Variants in LDLRAD3 observed in about 807,000 individuals in gnomAD.
LDLRAD3 encodes low-density lipoprotein receptor class A domain-containing protein 3.
A neutral mutation model predicts 29.4 loss-of-function variants in LDLRAD3; 20 were observed. That is an observed-to-expected ratio of 0.68 (90% CI 0.48 to 0.99). LDLRAD3 has a LOEUF of 0.99. Ranked by LOEUF, LDLRAD3 falls within the 50% of genes least tolerant of loss-of-function variation. LDLRAD3 has a pLI of 0.00. For synonymous variants in LDLRAD3, 157 were observed against 192.7 expected (o/e 0.81, Z 1.53); for missense variants, 420 against 454.3 (o/e 0.92, Z 0.69).
intron 4 of LDLRAD3, among the ~76,000 whole-genome samples, chr11:36,121,261 G>A (rs61878988): frequency 0.21 from 32,240 of 152,066 alleles, 3,913 homozygotes; most frequent in East Asian, 0.33. Flanking sequence ...CATAGAAAGG[G>A]TTTGCCTAAG....
chr11:36,149,581 C>A (rs1364193197), intron 4 of LDLRAD3, among the ~76,000 whole-genome samples: 1 of 152,288 alleles, frequency 6.6e-6, no homozygotes, highest in African/African-American at 2.4e-5. Flanking sequence ...TGAATCTGTT[C>A]GCTGCTCCTA....
At chr11:36,124,163 C>T (rs1483317541) in intron 4 of LDLRAD3, among the ~76,000 whole-genome samples, 2 of 152,154 alleles carry the variant, frequency 1.3e-5, no homozygotes, top group Admixed American at 6.5e-5. Context: ...TGCCTGTCAC[C>T]GTAATAGCTA....
chr11:36,007,012 G>A (rs262408), intron 1 of LDLRAD3, among the ~76,000 whole-genome samples: 72,345 of 152,040 alleles, frequency 0.48, 19,331 homozygotes, highest in Non-Finnish European at 0.61. Context: ...TCTGTCCCCA[G>A]CCCCACACAG....
chr11:36,228,786 C>A (rs2133395447), intron 5 of LDLRAD3, among the ~76,000 whole-genome samples: 1 of 152,290 alleles, frequency 6.6e-6, no homozygotes, highest in Admixed American at 6.5e-5. Flanking sequence ...TCCATGTTCC[C>A]ATCAGAGGCC....
At chr11:36,040,242 G>A (rs1312058832) in intron 2 of LDLRAD3, among the ~76,000 whole-genome samples, 1 of 152,092 alleles carries the variant, frequency 6.6e-6, no homozygotes, top group Non-Finnish European at 1.5e-5. Flanking sequence ...GGGATATGAG[G>A]CAGTGAGCAG....
chr11:36,204,975 TGCCCCC>T (rs1455173638), intron 4 of LDLRAD3, among the ~76,000 whole-genome samples: 2 of 152,192 alleles, frequency 1.3e-5, no homozygotes, highest in East Asian at 1.9e-4. Flanking sequence ...CGCCTATTCT[TGCCCCC>T]GCCCTAATGC....
intron 2 of LDLRAD3, among the ~76,000 whole-genome samples, chr11:36,041,272 G>A (rs1339504932): frequency 6.6e-6 from 1 of 152,182 alleles, no homozygotes; most frequent in African/African-American, 2.4e-5. Context: ...TTTGATTATT[G>A]CGGAAGCCTT....
chr11:35,958,337 T>A (rs1851231477), intron 1 of LDLRAD3, among the ~76,000 whole-genome samples: 1 of 152,216 alleles, frequency 6.6e-6, no homozygotes, highest in African/African-American at 2.4e-5. Flanking sequence ...TGTAGAATAA[T>A]TCTTCCACGG....
chr11:36,012,493 C>T (rs1411945226), intron 1 of LDLRAD3, among the ~76,000 whole-genome samples: 1 of 151,782 alleles, frequency 6.6e-6, no homozygotes, highest in Non-Finnish European at 1.5e-5. Context: ...CAGCATCACT[C>T]TTCTTGTGCT....
At chr11:36,072,479 G>C (rs575954467) in intron 2 of LDLRAD3, among the ~76,000 whole-genome samples, 1 of 152,310 alleles carries the variant, frequency 6.6e-6, no homozygotes, top group Non-Finnish European at 1.5e-5. Context: ...CTGGGGAAGA[G>C]CCTTCTATAC....
chr11:36,002,410 C>T (rs1851836231), intron 1 of LDLRAD3, among the ~76,000 whole-genome samples: 1 of 152,204 alleles, frequency 6.6e-6, no homozygotes, highest in African/African-American at 2.4e-5. Context: ...CTTCCTGTGT[C>T]GTCCTCATCA....
Position 36,036,277 on chromosome 11 carries a change from G to T in LDLRAD3, c.193+28G>T, listed in dbSNP as rs780810364. ...GAGTGGCCTGGCCCTTTGCTGGGGT[G>T]GGGTGGCAGCCATCCTGGGGCAGAG... is the stretch of plus-strand genomic sequence containing the variant. On this transcript the variant is annotated intron_variant, in intron 2 of 5. Transcript: ENST00000315571. The T allele has an allele frequency of 3.7e-6, 6 of 1,613,484 alleles. No homozygotes were observed. The South Asian group carries it at 6.6e-5, about 18-fold the overall frequency.
intron 2 of LDLRAD3, among the ~76,000 whole-genome samples, chr11:36,054,078 AAC>A (rs1394710705): frequency 2.0e-5 from 3 of 152,190 alleles, no homozygotes; most frequent in African/African-American, 4.8e-5. Flanking sequence ...GCATATGTGA[AAC>A]ACACTTTCCC....
chr11:36,006,609 T>G (rs906947481), intron 1 of LDLRAD3, among the ~76,000 whole-genome samples: 2 of 152,184 alleles, frequency 1.3e-5, no homozygotes, highest in African/African-American at 4.8e-5. Context: ...CTGGGTTCCA[T>G]GACTGTCTGA....
At position 36,229,737 on chromosome 11, in the gene LDLRAD3, T is replaced by C. The variant is rs60062080; in HGVS notation, c.*340T>C. On this transcript the variant is annotated 3_prime_UTR_variant, in exon 6 of 6. Transcript: ENST00000315571. ...GGGAGAGAGCAATGTTTCTGTGCTA[T>C]ATTGGATGCTCAGAAGTGCAGGAGA... 1.6e-3 allele frequency: 387 copies of C among 240,598 alleles called. 2 individuals are homozygous for C. Among genetic ancestry groups the C allele is most frequent in the African/African-American group, 7.9e-3 (358 of 45,600 alleles). 14.9% of individuals were successfully genotyped at this position (240,598 alleles called of 1,614,324 possible). A position where few individuals can be genotyped will look rare whatever the true frequency, so the allele number is the denominator to read the frequency against.
chr11:36,040,911 C>T (rs1020592000), intron 2 of LDLRAD3, among the ~76,000 whole-genome samples: 4 of 152,054 alleles, frequency 2.6e-5, no homozygotes, highest in Non-Finnish European at 5.9e-5. Context: ...AAAAAATTAT[C>T]TAGCTAGATT....
At chr11:36,005,699 A>G (rs1307681578) in intron 1 of LDLRAD3, among the ~76,000 whole-genome samples, 2 of 152,150 alleles carry the variant, frequency 1.3e-5, no homozygotes, top group African/African-American at 2.4e-5. Context: ...TCACACTCCT[A>G]TAAAGAACTG....
At chr11:36,197,236 C>G (rs761835588) in intron 4 of LDLRAD3, 3 of 152,176 alleles carry the variant, frequency 2.0e-5, no homozygotes, top group Non-Finnish European at 4.4e-5. Context: ...GCCTCATTCC[C>G]AGAGGAGTGA....
chr11:35,964,243 G>A (rs1336657841), intron 1 of LDLRAD3, among the ~76,000 whole-genome samples: 1 of 152,222 alleles, frequency 6.6e-6, no homozygotes, highest in Non-Finnish European at 1.5e-5. Flanking sequence ...TCTGGGGAAA[G>A]TGCTTTACCC....
Sources: allele counts gnomAD v4.1 joint callset (sites outside exome capture counted in the v4.1 genomes callset), GRCh38; gene constraint gnomAD v4.1.1; transcripts MANE v1.5; gene names NCBI Gene and HGNC (gene_info 2026-07-23, HGNC 2026-07-21).